The following RNASET2 variants were observed in gnomAD, a reference collection of about 807,000 sequenced individuals.
RNASET2 encodes the protein ribonuclease T2, also known as ribonuclease 6.
RNASET2 carries 28 observed loss-of-function variants against 33.9 expected under a neutral mutation model. The observed-to-expected ratio is 0.83, with a 90% confidence interval of 0.61 to 1.13. The LOEUF (loss-of-function observed/expected upper bound fraction) is 1.13, where lower values mean the gene tolerates loss of function less well. Among genes scored for constraint, RNASET2 ranks in the 50% most tolerant of loss-of-function variants. The pLI is 0.00. For synonymous variants in RNASET2, 123 were observed against 121.0 expected, an observed-to-expected ratio of 1.02 and a Z score of -0.11; for missense variants, 330 against 319.9, an observed-to-expected ratio of 1.03 and a Z score of -0.24.
chr6:166,930,755 C>T (rs1778410911), intron 8 of RNASET2, among the ~76,000 whole-genome samples: 1 of 150,098 alleles, frequency 6.7e-6, no homozygotes, highest in Non-Finnish European at 1.5e-5. Context: ...CACACATGCA[C>T]ACACAGGACA....
At position 166,929,113 on chromosome 6, in the gene RNASET2, T is replaced by C. The variant is rs1178101582; in HGVS notation, c.*475A>G. The stretch of plus-strand genomic sequence containing the variant: ...GCTAAGGAACGATGTCCTGGGGCTC[T>C]GGTCACATGGAACAGACCCAGTCTG... On this transcript the variant is annotated 3_prime_UTR_variant, in exon 9 of 9. Coordinates refer to ENST00000508775, the MANE Select transcript of RNASET2 (RefSeq NM_003730.6). 6.6e-6 allele frequency among the ~76,000 whole-genome samples: 1 copy of C among 152,240 alleles called. No homozygotes were observed.
At chr6:166,937,614 G>T (rs896731502) in intron 6 of RNASET2, among the ~76,000 whole-genome samples, 1 of 152,110 alleles carries the variant, frequency 6.6e-6, no homozygotes, top group South Asian at 2.1e-4. Flanking sequence ...GTCTGTGTAC[G>T]TTTCTTAGTG....
At chr6:166,955,319 A>C (rs1261025358) in intron 1 of RNASET2, among the ~76,000 whole-genome samples, 1 of 64,552 alleles carries the variant, frequency 1.5e-5, no homozygotes, top group Non-Finnish European at 2.8e-5. Context: ...ACACACACGC[A>C]CACACACGCA....
chr6:166,923,444 G>T lies in RNASET2; in HGVS notation c.*6144C>A, dbSNP rs527364989. On this transcript the variant is annotated 3_prime_UTR_variant, in exon 9 of 9. Transcript: ENST00000508775. Reference sequence around the variant, plus strand: ...CCTGTTGGCCAGGGTGGTCTTGAACGCTTGACCTCAAGTGATCCGCCCACC... The same window carrying T: ...CCTGTTGGCCAGGGTGGTCTTGAACTCTTGACCTCAAGTGATCCGCCCACC... Among the ~76,000 whole-genome samples the T allele has an allele frequency of 4.3e-4, 66 of 151,756 alleles. No individual in the cohort carries two copies. The highest frequency in any genetic ancestry group is 9.0e-4 in the Non-Finnish European group (61 of 67,960).
intron 1 of RNASET2, among the ~76,000 whole-genome samples, chr6:166,955,032 TGTAA>T (rs200703265): frequency 0.027 from 2,908 of 108,094 alleles, 59 homozygotes; most frequent in African/African-American, 0.1. Flanking sequence ...ACACCTACTA[TGTAA>T]GTAAGAAATC....
intron 2 of RNASET2, among the ~76,000 whole-genome samples, chr6:166,949,795 C>T (rs745569780): frequency 6.6e-6 from 1 of 152,182 alleles, no homozygotes; most frequent in Admixed American, 6.5e-5. Flanking sequence ...GGGCTCTGCA[C>T]AGCACTCAGT....
intron 7 of RNASET2, chr6:166,931,766 TG>T (rs1336214098): frequency 3.2e-5 from 5 of 156,534 alleles, no homozygotes; most frequent in Admixed American, 6.3e-5. Flanking sequence ...ACTCTGGCTT[TG>T]GGGGGCACCA....
chr6:166,926,062 T>A lies in RNASET2; in HGVS notation c.*3526A>T, dbSNP rs1360722067. Among the ~76,000 whole-genome samples, 1 of 152,052 alleles carries A rather than the reference T, an allele frequency of 6.6e-6. No individual in the cohort carries two copies. The highest frequency in any genetic ancestry group is 1.5e-5 in the Non-Finnish European group (1 of 67,982). ...CGTGGCAGTCAATGCATGGCCCAGATGGGAGACTGAGGCTTGAACTAAGTC... is the reference window on the plus strand; with the variant it reads ...CGTGGCAGTCAATGCATGGCCCAGAAGGGAGACTGAGGCTTGAACTAAGTC... On this transcript the variant is annotated 3_prime_UTR_variant, in exon 9 of 9. Coordinates refer to ENST00000508775, the MANE Select transcript of RNASET2 (RefSeq NM_003730.6).
At chr6:166,938,234 A>G (rs1387571983) in intron 6 of RNASET2, among the ~76,000 whole-genome samples, 2 of 152,150 alleles carry the variant, frequency 1.3e-5, no homozygotes, top group Non-Finnish European at 2.9e-5. Context: ...AGAGCAGCTA[A>G]GACGCTGACA....
intron 1 of RNASET2, chr6:166,955,792 T>A: frequency 1.0e-6 from 1 of 975,706 alleles, no homozygotes. Flanking sequence ...CCCAACCCAC[T>A]CCTTCCCAGA....
chr6:166,952,436 C>A lies in RNASET2; in HGVS notation c.147+52G>T. On this transcript the variant is annotated intron_variant, in intron 2 of 8. Transcript: ENST00000508775. ...TGGACGGGCACGTGCACACAAACCC[C>A]TCTTCACAGGGCTCCCCAGGCCCCA... The A allele has an allele frequency of 2.6e-6, 4 of 1,530,922 alleles. No homozygotes were observed. The South Asian group carries it at 4.5e-5, about 17-fold the overall frequency. 94.8% of individuals were successfully genotyped at this position (1,530,922 alleles called of 1,614,324 possible). A position where few individuals can be genotyped will look rare whatever the true frequency, so the allele number is the denominator to read the frequency against.
At chr6:166,955,281 GAC>G (rs1262913545) in intron 1 of RNASET2, among the ~76,000 whole-genome samples, 14 of 70,818 alleles carry the variant, frequency 2.0e-4, no homozygotes, top group Non-Finnish European at 2.9e-4. Flanking sequence ...GCGCACACAC[GAC>G]ACACACGCAC....
In RNASET2 at chr6:166,922,492, G is replaced by A. The variant is rs1261213325; in HGVS notation, c.*7096C>T. Reference sequence around the variant, plus strand: ...CTTAAGTGGAATGATTAACCTGGAGGAGACTCCAATCAACCTGAATAGAGT... The same window carrying A: ...CTTAAGTGGAATGATTAACCTGGAGAAGACTCCAATCAACCTGAATAGAGT... On this transcript the variant is annotated 3_prime_UTR_variant, in exon 9 of 9. Coordinates refer to ENST00000508775, the MANE Select transcript of RNASET2 (RefSeq NM_003730.6). Among the ~76,000 whole-genome samples the A allele has an allele frequency of 6.6e-6, 1 of 152,156 alleles. No individual in the cohort carries two copies. The highest frequency in any genetic ancestry group is 2.4e-5 in the African/African-American group (1 of 41,440).
rs1562502521 is a variant in RNASET2, at chr6:166,948,644, A to C, written c.148-19T>G. The C allele has an allele frequency of 2.8e-6, 4 of 1,445,738 alleles. No homozygotes were observed. Among genetic ancestry groups the C allele is most frequent in the Non-Finnish European group, 2.9e-6 (3 of 1,028,270 alleles). 89.6% of individuals were successfully genotyped at this position (1,445,738 alleles called of 1,614,324 possible). A position where few individuals can be genotyped will look rare whatever the true frequency, so the allele number is the denominator to read the frequency against. ...GAATTTTCTAGGGAGAAAATATAACAAGAAAATGATTGGCTCTTTGTTTAT... is the reference window on the plus strand; with the variant it reads ...GAATTTTCTAGGGAGAAAATATAACCAGAAAATGATTGGCTCTTTGTTTAT... On this transcript the variant is annotated intron_variant, in intron 2 of 8. Coordinates refer to ENST00000508775, the MANE Select transcript of RNASET2 (RefSeq NM_003730.6).
In RNASET2 at chr6:166,929,660, G is replaced by A. The variant is rs201458874; in HGVS notation, c.699C>T (p.Ala233=). 3.6e-5 allele frequency: 58 copies of A among 1,614,088 alleles called. No homozygotes were observed. The highest frequency in any genetic ancestry group is 4.5e-5 in the Non-Finnish European group (53 of 1,180,012). The change falls in exon 9 of 9, where the codon GCC becomes GCT. Residue 233 remains alanine (A), a synonymous_variant. Transcript: ENST00000508775. ...KQEVWLANGA[A]ESRGLRVCED... ...CACAGACTCTCAGACCCCGGCTCTC[G>A]GCGGCCCCATTTGCCAGCCAGACTT...
Position 166,923,061 on chromosome 6 carries a change from A to G in RNASET2, c.*6527T>C, listed in dbSNP as rs1778255967. On this transcript the variant is annotated 3_prime_UTR_variant, in exon 9 of 9. Coordinates refer to ENST00000508775, the MANE Select transcript of RNASET2 (RefSeq NM_003730.6). Reference sequence around the variant, plus strand: ...AAGCACGTCAGCATAAAGTCCATACAGCATTTAATGGATCTTAACTTTATC... The same window carrying G: ...AAGCACGTCAGCATAAAGTCCATACGGCATTTAATGGATCTTAACTTTATC... Among the ~76,000 whole-genome samples the G allele has an allele frequency of 6.6e-6, 1 of 152,250 alleles. No homozygotes were observed. The highest frequency in any genetic ancestry group is 1.5e-5 in the Non-Finnish European group (1 of 68,042).
intron 6 of RNASET2, chr6:166,938,625 C>T: frequency 1.4e-6 from 1 of 706,296 alleles, no homozygotes; most frequent in East Asian, 2.9e-5. Flanking sequence ...CCTCGTTTTC[C>T]CTATGGCCGA....
At chr6:166,949,782 T>C (rs1304382279) in intron 2 of RNASET2, among the ~76,000 whole-genome samples, 2 of 152,172 alleles carry the variant, frequency 1.3e-5, no homozygotes, top group African/African-American at 4.8e-5. Context: ...CACGGGGCTC[T>C]GAGGGCTCTG....
Position 166,928,619 on chromosome 6 carries a change from G to C in RNASET2, c.*969C>G, listed in dbSNP as rs977273728. Reference sequence around the variant, plus strand: ...AAACAGAGAAAAGGATTTAAAGAGAGAAGAGGCCAGGAGACGCGGGAGAAG... The same window carrying C: ...AAACAGAGAAAAGGATTTAAAGAGACAAGAGGCCAGGAGACGCGGGAGAAG... On this transcript the variant is annotated 3_prime_UTR_variant, in exon 9 of 9. Transcript: ENST00000508775. Among the ~76,000 whole-genome samples, 3 of 152,212 alleles carry C rather than the reference G, an allele frequency of 2.0e-5. No individual in the cohort carries two copies. The highest frequency in any genetic ancestry group is 7.2e-5 in the African/African-American group (3 of 41,448).
Sources: allele counts gnomAD v4.1 joint callset (sites outside exome capture counted in the v4.1 genomes callset), GRCh38; gene constraint gnomAD v4.1.1; transcripts MANE v1.5; gene names NCBI Gene and HGNC (gene_info 2026-07-23, HGNC 2026-07-21).